SPATA13: variants seen among roughly 807,000 people sequenced by gnomAD.
SPATA13 encodes spermatogenesis-associated protein 13.
Under a neutral mutation model 104.0 loss-of-function variants are expected in SPATA13, and 50 were observed. The ratio of observed to expected loss-of-function variants is 0.48; its 90% CI spans 0.38 to 0.61. The LOEUF (loss-of-function observed/expected upper bound fraction) is 0.61. SPATA13 is among the 20% of genes least tolerant of loss of function. SPATA13 has a pLI of 0.00. For missense variants in SPATA13, 1,524 were observed against 1,690.6 expected (o/e 0.90, Z 1.73); for synonymous variants, 606 against 667.5 (o/e 0.91, Z 1.42).
intron 3 of SPATA13, among the ~76,000 whole-genome samples, chr13:24,130,017 G>C (rs1212831014): frequency 6.6e-6 from 1 of 152,240 alleles, no homozygotes; most frequent in Non-Finnish European, 1.5e-5. Context: ...AGAGGTGGGT[G>C]AGGTAGCCAG....
chr13:23,982,156 T>A (rs565286525), intron 1 of SPATA13, among the ~76,000 whole-genome samples: 22 of 152,324 alleles, frequency 1.4e-4, no homozygotes, highest in African/African-American at 5.1e-4. Context: ...TAAGTTTTTA[T>A]TAACTTTTTA....
At position 24,189,847 on chromosome 13, in the gene SPATA13, T is replaced by G. The variant is rs1363092400; in HGVS notation, c.-112+28915T>G. On this transcript the variant is annotated intron_variant, in intron 1 of 12. Coordinates refer to ENST00000382108, the MANE Select transcript of SPATA13 (RefSeq NM_001166271.3). ...TATATATAAAATGATATTTAATATA[T>G]TATATTAATATATCATATATAATAT... is the stretch of plus-strand genomic sequence containing the variant. 1.9e-4 allele frequency among the ~76,000 whole-genome samples: 2 copies of G among 10,768 alleles called. 1 individual carries two copies. The highest frequency in any genetic ancestry group is 7.5e-3 in the East Asian group (2 of 268). 7.1% of individuals were successfully genotyped at this position (10,768 alleles called of 152,430 possible). A position where few individuals can be genotyped will look rare whatever the true frequency, so the allele number is the denominator to read the frequency against.
At chr13:23,980,715 C>T (rs1593254262) in intron 1 of SPATA13, among the ~76,000 whole-genome samples, 1 of 152,072 alleles carries the variant, frequency 6.6e-6, no homozygotes, top group East Asian at 1.9e-4. Flanking sequence ...CCTCACCCTC[C>T]CGAGTAGCTG....
At chr13:24,030,425 G>A (rs1275591490) in intron 3 of SPATA13, among the ~76,000 whole-genome samples, 1 of 152,110 alleles carries the variant, frequency 6.6e-6, no homozygotes, top group East Asian at 1.9e-4. Context: ...GTTTCAGTAG[G>A]GTGCTTATGC....
At chr13:24,083,232 A>T (rs118173508) in intron 3 of SPATA13, among the ~76,000 whole-genome samples, 3 of 152,222 alleles carry the variant, frequency 2.0e-5, no homozygotes, top group African/African-American at 7.2e-5. Flanking sequence ...GGGCAATAGA[A>T]TAGAAAGGCA....
In SPATA13 at chr13:24,286,698, C is replaced by A; in HGVS notation, c.2482-67C>A. ...ACAGGAAAGTAGGAACCTGGGAGGT[C>A]TCCTGCCTCTGCTCCATGCTGCCCT... On this transcript the variant is annotated intron_variant, in intron 6 of 12. Coordinates refer to ENST00000382108, the MANE Select transcript of SPATA13 (RefSeq NM_001166271.3). The surrounding 1 kb of genome is among the most constrained non-coding windows in gnomAD (Gnocchi z 4.9). The A allele has an allele frequency of 6.8e-7, 1 of 1,472,960 alleles. No homozygotes were observed. The highest frequency in any genetic ancestry group is 9.3e-7 in the Non-Finnish European group (1 of 1,080,618). The allele number at this position is 1,472,960 out of a possible 1,614,324, so 91.2% of individuals were successfully genotyped here. A position where few individuals can be genotyped will look rare whatever the true frequency, so the allele number is the denominator to read the frequency against.
chr13:24,206,155 A>G (rs1485799909), intron 1 of SPATA13, among the ~76,000 whole-genome samples: 1 of 152,224 alleles, frequency 6.6e-6, no homozygotes, highest in Non-Finnish European at 1.5e-5. Context: ...GAGTGAGAGA[A>G]AATTTTTCCA....
chr13:24,107,817 G>A (rs143694716), intron 3 of SPATA13, among the ~76,000 whole-genome samples: 56 of 152,270 alleles, frequency 3.7e-4, no homozygotes, highest in African/African-American at 1.3e-3. Flanking sequence ...GATGTGTACT[G>A]CTCTATCGGC....
chr13:24,207,137 T>C (rs1279868185), intron 1 of SPATA13, among the ~76,000 whole-genome samples: 1 of 152,198 alleles, frequency 6.6e-6, no homozygotes, highest in African/African-American at 2.4e-5. Context: ...AAATACAGCA[T>C]GTTCTCACTT....
chr13:24,260,828 G>A (rs571762050), intron 4 of SPATA13, among the ~76,000 whole-genome samples: 2 of 152,372 alleles, frequency 1.3e-5, no homozygotes, highest in East Asian at 1.9e-4. Context: ...AGACAATGCA[G>A]AATTCTAGTC....
Position 24,237,893 on chromosome 13 carries a change from T to C in SPATA13, c.1654-11584T>C, listed in dbSNP as rs138814715. 5.6e-3 allele frequency among the ~76,000 whole-genome samples: 809 copies of C among 143,518 alleles called. 18 individuals carry two copies. The highest frequency in any genetic ancestry group is 0.019 in the African/African-American group (765 of 39,806). 94.2% of individuals were successfully genotyped at this position (143,518 alleles called of 152,430 possible). A position where few individuals can be genotyped will look rare whatever the true frequency, so the allele number is the denominator to read the frequency against. On this transcript the variant is annotated intron_variant, in intron 2 of 12. Coordinates refer to ENST00000382108, the MANE Select transcript of SPATA13 (RefSeq NM_001166271.3). ...TATAATATATATCATTTATAATATA[T>C]AAACATACATGTTTAAATATGCAAT...
At chr13:24,064,466 G>A (rs995400835) in intron 3 of SPATA13, among the ~76,000 whole-genome samples, 1 of 152,092 alleles carries the variant, frequency 6.6e-6, no homozygotes, top group Non-Finnish European at 1.5e-5. Flanking sequence ...GAGGCGCTTG[G>A]GAGGTCATTG....
rs1372593751 is a variant in SPATA13 at position 24,223,822 on chromosome 13, A to G, written c.893A>G (p.Gln298Arg). Residue 298 changes from glutamine (Q) to arginine (R), a missense_variant, in exon 2 of 13, where the codon CAA becomes CGA. By Grantham distance (43) the Gln-to-Arg change is conservative. This residue lies in a region of SPATA13 where 1,089 missense variants were observed against 1,135.9 expected (regional missense o/e 0.96). Coordinates refer to ENST00000382108, the MANE Select transcript of SPATA13 (RefSeq NM_001166271.3). The stretch of plus-strand genomic sequence containing the variant: ...CTGAGCAGTTCCTCCACTGACTCCC[A>G]AAAGCTTGGGTCAGGAAGGACCAAA... ...RTLSSSSTDS[Q>R]KLGSGRTKRW... The G allele has an allele frequency of 2.7e-5, 42 of 1,551,676 alleles. No individual in the cohort carries two copies. Among genetic ancestry groups the G allele is most frequent in the Non-Finnish European group, 3.7e-5 (42 of 1,147,028 alleles).
chr13:24,278,366 G>C (rs573748744), intron 4 of SPATA13, among the ~76,000 whole-genome samples: 4 of 152,064 alleles, frequency 2.6e-5, no homozygotes, highest in Non-Finnish European at 5.9e-5. Flanking sequence ...TATATGAGCC[G>C]GTTCATCTCC....
At chr13:24,020,765 C>T (rs952208761) in intron 3 of SPATA13, among the ~76,000 whole-genome samples, 13 of 152,224 alleles carry the variant, frequency 8.5e-5, no homozygotes, top group African/African-American at 1.7e-4. Flanking sequence ...TAATTTGGGC[C>T]GGGCGAGATG....
At chr13:24,198,755 G>A (rs775231044) in intron 1 of SPATA13, among the ~76,000 whole-genome samples, 14 of 152,106 alleles carry the variant, frequency 9.2e-5, no homozygotes, top group Non-Finnish European at 1.6e-4. Flanking sequence ...GTGCTGCCAC[G>A]AGGACATGGA....
intron 3 of SPATA13, among the ~76,000 whole-genome samples, chr13:24,132,522 C>T (rs1451873265): frequency 1.3e-5 from 2 of 152,224 alleles, no homozygotes; most frequent in Non-Finnish European, 1.5e-5. Context: ...GGTAAACTAA[C>T]TGCCAAAACA....
chr13:24,034,062 A>G lies in SPATA13; in HGVS notation c.-112+16361A>G, dbSNP rs573600777. ...CACTTTCAACATTTGATTAAGAGCC[A>G]TAAGGGTGGCTTCCTCCACCCACAG... On this transcript the variant is annotated intron_variant, in intron 3 of 14. Coordinates refer to the SPATA13 transcript ENST00000424834. 3.3e-5 allele frequency: 5 copies of G among 152,348 alleles called. No homozygotes were observed. The South Asian group carries it at 6.2e-4, about 19-fold the overall frequency. The allele number at this position is 152,348 out of a possible 1,614,324, so 9.4% of individuals were successfully genotyped here.
chr13:24,093,708 T>C (rs1336650217), intron 3 of SPATA13, among the ~76,000 whole-genome samples: 1 of 152,222 alleles, frequency 6.6e-6, no homozygotes, highest in African/African-American at 2.4e-5. Context: ...ATATTTTCTA[T>C]TTATTTTAAT....
Sources: allele counts gnomAD v4.1 joint callset (sites outside exome capture counted in the v4.1 genomes callset), GRCh38; gene constraint gnomAD v4.1.1; regional missense constraint gnomAD v4.1.1; non-coding constraint Gnocchi (gnomAD v3.1); transcripts MANE v1.5; gene names NCBI Gene and HGNC (gene_info 2026-07-23, HGNC 2026-07-21).